The following EML4 variants were observed in gnomAD, a reference collection of about 807,000 sequenced individuals.
The protein encoded by EML4 is EMAP like 4.
Under a neutral mutation model 129.0 loss-of-function variants are expected in EML4, and 72 were observed. The observed-to-expected ratio is 0.56, with a 90% CI of 0.46 to 0.68. The LOEUF (loss-of-function observed/expected upper bound fraction) is 0.68, where lower values mean the gene tolerates loss of function less well. Among genes scored for constraint, EML4 ranks in the 30% least tolerant of loss-of-function variants. The pLI, the probability that EML4 is intolerant of heterozygous loss-of-function variation, is 0.00. For missense variants in EML4, 1,363 were observed against 1,190.6 expected, an observed-to-expected ratio of 1.14 and a Z score of -2.13; for synonymous variants, 532 against 405.0, an observed-to-expected ratio of 1.31 and a Z score of -3.77.
chr2:42,177,182 C>A (rs939306644), intron 1 of EML4, among the ~76,000 whole-genome samples: 1 of 151,782 alleles, frequency 6.6e-6, no homozygotes, highest in Admixed American at 6.6e-5. Context: ...ATTTCATGAT[C>A]CAGTAAAATG....
At chr2:42,183,866 T>C (rs1671093980) in intron 1 of EML4, among the ~76,000 whole-genome samples, 1 of 152,168 alleles carries the variant, frequency 6.6e-6, no homozygotes, top group Non-Finnish European at 1.5e-5. Context: ...ACTAGAGAAT[T>C]CTCAGGATGC....
At chr2:42,268,609 G>C (rs1309744083) in intron 6 of EML4, among the ~76,000 whole-genome samples, 1 of 151,960 alleles carries the variant, frequency 6.6e-6, no homozygotes, top group Non-Finnish European at 1.5e-5. Context: ...GCTAATTTTT[G>C]TATTACTTTA....
intron 1 of EML4, among the ~76,000 whole-genome samples, chr2:42,185,828 G>T (rs557986949): frequency 6.6e-6 from 1 of 152,238 alleles, no homozygotes; most frequent in African/African-American, 2.4e-5. Flanking sequence ...GAATATCAGT[G>T]TGGAGTTTTT....
chr2:42,304,395 G>A (rs924920504), intron 16 of EML4, 89 bp from the exon 17 acceptor site: 12 of 878,904 alleles, frequency 1.4e-5, no homozygotes, highest in Admixed American at 1.1e-4. Context: ...ATGTTTGAAT[G>A]AAACAGGTTA....
At chr2:42,252,399 A>G (rs1030398961) in intron 2 of EML4, among the ~76,000 whole-genome samples, 1 of 152,182 alleles carries the variant, frequency 6.6e-6, no homozygotes, top group Non-Finnish European at 1.5e-5. Flanking sequence ...CATTCACGCT[A>G]CATAGCTCTT....
At chr2:42,324,205 G>A (rs1257313890) in intron 19 of EML4, among the ~76,000 whole-genome samples, 1 of 152,068 alleles carries the variant, frequency 6.6e-6, no homozygotes, top group Non-Finnish European at 1.5e-5. Flanking sequence ...TGAGGCATGA[G>A]AATCATTTGA....
intron 1 of EML4, among the ~76,000 whole-genome samples, chr2:42,202,187 T>C (rs937432098): frequency 6.6e-6 from 1 of 152,106 alleles, no homozygotes; most frequent in Non-Finnish European, 1.5e-5. Flanking sequence ...AAAGTTTCAT[T>C]TGGACAAGAG....
rs559716397 is a variant in EML4, at chr2:42,271,659, G to A, written c.667+6928G>A. 3.9e-5 allele frequency among the ~76,000 whole-genome samples: 6 copies of A among 152,196 alleles called. No homozygotes were observed. The East Asian group carries it at 1.2e-3, about 29-fold the overall frequency. On this transcript the variant is annotated intron_variant, in intron 6 of 22. Transcript: ENST00000318522. ...CGTTCTAATCTTATACGTATTTATT[G>A]TGGTTAAAGTCTTTTCATTCAAATT...
rs538300402 is a variant in EML4, at chr2:42,326,343, T to G, written c.2341+91T>G. The G allele has an allele frequency of 5.8e-6, 5 of 854,890 alleles. No individual in the cohort carries two copies. The East Asian group carries it at 1.4e-4, about 23-fold the overall frequency. 53.0% of individuals were successfully genotyped at this position (854,890 alleles called of 1,614,324 possible). A position where few individuals can be genotyped will look rare whatever the true frequency, so the allele number is the denominator to read the frequency against. Reference sequence around the variant, plus strand: ...TTAAATTTATAAATGAAAAATAGTCTGTGTATTCTTTAGCTTTATCACTAT... The same window carrying G: ...TTAAATTTATAAATGAAAAATAGTCGGTGTATTCTTTAGCTTTATCACTAT... On this transcript the variant is annotated intron_variant, in intron 21 of 22. Transcript: ENST00000318522.
At chr2:42,217,612 G>A (rs1262605558) in intron 1 of EML4, among the ~76,000 whole-genome samples, 1 of 152,150 alleles carries the variant, frequency 6.6e-6, no homozygotes, top group East Asian at 1.9e-4. Context: ...CTGTACCCAT[G>A]AAAAAGATGC....
chr2:42,288,918 C>T (rs950883259), intron 11 of EML4: 2 of 152,104 alleles, frequency 1.3e-5, no homozygotes, highest in African/African-American at 4.8e-5. Context: ...GGACTTCTCC[C>T]TCTGACAGGC....
chr2:42,245,094 C>CTTTTTT (rs56808218), intron 1 of EML4, among the ~76,000 whole-genome samples: 18,569 of 65,276 alleles, frequency 0.28, 5,205 homozygotes, highest in East Asian at 0.39. Context: ...AATTTTCTTT[C>CTTTTTT]TTTTTTTTTT....
At chr2:42,278,087 C>T (rs1666757664) in intron 6 of EML4, among the ~76,000 whole-genome samples, 1 of 152,116 alleles carries the variant, frequency 6.6e-6, no homozygotes, top group South Asian at 2.1e-4. Flanking sequence ...CATATCATGC[C>T]AGACAAGTTG....
At chr2:42,245,482 C>G (rs779951531) in intron 1 of EML4, 23 bp from the exon 2 acceptor site, 1 of 1,520,666 alleles carries the variant, frequency 6.6e-7, no homozygotes, top group Non-Finnish European at 9.0e-7. Flanking sequence ...TAAAAATATT[C>G]CATATTTTAT....
At chr2:42,252,840 T>G (rs2104339655) in intron 2 of EML4, among the ~76,000 whole-genome samples, 1 of 152,314 alleles carries the variant, frequency 6.6e-6, no homozygotes, top group African/African-American at 2.4e-5. Flanking sequence ...TCCCTAATCC[T>G]TATAGAATTA....
intron 1 of EML4, among the ~76,000 whole-genome samples, chr2:42,233,185 A>G (rs953432673): frequency 2.0e-5 from 3 of 152,144 alleles, no homozygotes; most frequent in Non-Finnish European, 2.9e-5. Flanking sequence ...TTTTTGGTGC[A>G]TGTGTGTTTA....
At position 42,169,529 on chromosome 2, in the gene EML4, A is replaced by C; in HGVS notation, c.-83A>C. 1 of 1,496,604 alleles carries C rather than the reference A, an allele frequency of 6.7e-7. No homozygotes were observed. The highest frequency in any genetic ancestry group is 1.4e-5 in the African/African-American group (1 of 71,218). The allele number at this position is 1,496,604 out of a possible 1,614,324, so 92.7% of individuals were successfully genotyped here. A position where few individuals can be genotyped will look rare whatever the true frequency, so the allele number is the denominator to read the frequency against. Reference sequence around the variant, plus strand: ...GGGCGACCTAGAGAACGAGCGGGTCAGGCTCAGCGTCGGCCACTCTGTCGG... The same window carrying C: ...GGGCGACCTAGAGAACGAGCGGGTCCGGCTCAGCGTCGGCCACTCTGTCGG... On this transcript the variant is annotated 5_prime_UTR_variant, in exon 1 of 23. Transcript: ENST00000318522.
intron 1 of EML4, among the ~76,000 whole-genome samples, chr2:42,210,748 G>A (rs1672842360): frequency 6.6e-6 from 1 of 151,908 alleles, no homozygotes; most frequent in Non-Finnish European, 1.5e-5. Flanking sequence ...TCCAGCTTTG[G>A]CCATAGGTTG....
At chr2:42,194,189 T>G (rs529645468) in intron 1 of EML4, among the ~76,000 whole-genome samples, 2 of 151,384 alleles carry the variant, frequency 1.3e-5, no homozygotes, top group African/African-American at 4.9e-5. Context: ...AAATGGGATA[T>G]CCTGTGGTGT....
Sources: allele counts gnomAD v4.1 joint callset (sites outside exome capture counted in the v4.1 genomes callset), GRCh38; gene constraint gnomAD v4.1.1; transcripts MANE v1.5; gene names NCBI Gene and HGNC (gene_info 2026-07-23, HGNC 2026-07-21).